Variants in CORIN observed in about 807,000 individuals in gnomAD.
The protein encoded by CORIN is atrial natriuretic peptide-converting enzyme.
In CORIN, 117 loss-of-function variants were observed where a neutral mutation model predicts 125.3. The ratio of observed to expected loss-of-function variants is 0.93; its 90% confidence interval spans 0.80 to 1.09. The LOEUF (loss-of-function observed/expected upper bound fraction) is 1.09. Ranked by LOEUF, CORIN falls within the 50% of genes least tolerant of loss-of-function variation. The pLI, the probability that CORIN is intolerant of heterozygous loss-of-function variation, is 0.00. For synonymous variants in CORIN, 450 were observed against 466.4 expected, an observed-to-expected ratio of 0.96 and a Z score of 0.45; for missense variants, 1,253 against 1,306.7, an observed-to-expected ratio of 0.96 and a Z score of 0.63.
chr4:47,638,398 T>C (rs887961501), intron 16 of CORIN, among the ~76,000 whole-genome samples: 1 of 152,202 alleles, frequency 6.6e-6, no homozygotes, highest in African/African-American at 2.4e-5. Flanking sequence ...GGCAGAATGA[T>C]ATGGTTTGGC....
intron 16 of CORIN, among the ~76,000 whole-genome samples, chr4:47,632,725 T>TGATA (rs1553905875): frequency 0.32 from 40,241 of 126,494 alleles, 5,549 homozygotes; most frequent in South Asian, 0.38. Flanking sequence ...TGACAATAGA[T>TGATA]GATAGATAGA....
At chr4:47,787,404 T>C (rs1282166206) in intron 2 of CORIN, among the ~76,000 whole-genome samples, 1 of 152,030 alleles carries the variant, frequency 6.6e-6, no homozygotes, top group Non-Finnish European at 1.5e-5. Flanking sequence ...GTGCTTGCCA[T>C]CAGCTTTATA....
At chr4:47,770,895 T>C (rs1270213181) in intron 3 of CORIN, among the ~76,000 whole-genome samples, 2 of 152,042 alleles carry the variant, frequency 1.3e-5, no homozygotes, top group Admixed American at 6.6e-5. Flanking sequence ...AGGATTGCAA[T>C]ATGTTGGTCA....
At chr4:47,692,822 A>G in intron 6 of CORIN, 148 bp downstream of exon 6, 1 of 652,586 alleles carries the variant, frequency 1.5e-6, no homozygotes, top group Non-Finnish European at 2.7e-6. Context: ...AAAGGTGTGC[A>G]AACATGCTGC....
At chr4:47,743,887 G>GAA (rs535450519) in intron 5 of CORIN, among the ~76,000 whole-genome samples, 2 of 117,314 alleles carry the variant, frequency 1.7e-5, no homozygotes, top group Non-Finnish European at 3.7e-5. Context: ...TCTGTCTCCA[G>GAA]AAAAAAAAAA....
chr4:47,748,389 G>A (rs1728758422), intron 4 of CORIN, among the ~76,000 whole-genome samples: 1 of 152,180 alleles, frequency 6.6e-6, no homozygotes, highest in Non-Finnish European at 1.5e-5. Context: ...TTTAGAAAGG[G>A]TGATTATTTT....
intron 13 of CORIN, among the ~76,000 whole-genome samples, chr4:47,650,815 A>T (rs984758724): frequency 2.6e-5 from 4 of 152,210 alleles, no homozygotes; most frequent in African/African-American, 9.6e-5. Flanking sequence ...GTACTGACAC[A>T]GTGCAGATTC....
intron 10 of CORIN, among the ~76,000 whole-genome samples, chr4:47,673,781 C>T (rs893198433): frequency 5.3e-5 from 8 of 152,010 alleles, no homozygotes; most frequent in South Asian, 2.1e-4. Context: ...TTAAAAGAAC[C>T]GACTGCCTAT....
rs963172502 is a variant in CORIN at position 47,594,678 on chromosome 4, A to G, written c.*1043T>C. 3 of 152,162 alleles carry G rather than the reference A, an allele frequency of 2.0e-5. No individual in the cohort carries two copies. The highest frequency in any genetic ancestry group is 7.2e-5 in the African/African-American group (3 of 41,454). The allele number at this position is 152,162 out of a possible 1,614,324, so 9.4% of individuals were successfully genotyped here. ...GGTATGGATGAACGCAAGAAAACTG[A>G]AAAATAAATTTAATTAAACGAGGGA... On this transcript the variant is annotated 3_prime_UTR_variant, in exon 22 of 22. Transcript: ENST00000273857.
chr4:47,721,377 C>T (rs1727343011), intron 5 of CORIN, among the ~76,000 whole-genome samples: 1 of 151,896 alleles, frequency 6.6e-6, no homozygotes, highest in Admixed American at 6.6e-5. Context: ...TCAAGTGATT[C>T]TCCTGCCTCA....
intron 19 of CORIN, 137 bp from the exon 20 acceptor site, chr4:47,603,805 G>T: frequency 1.1e-6 from 1 of 950,310 alleles, no homozygotes; most frequent in Non-Finnish European, 1.5e-6. Flanking sequence ...TCATATAAGT[G>T]GCATTTATAT....
intron 6 of CORIN, among the ~76,000 whole-genome samples, chr4:47,691,273 T>C (rs186726947): frequency 1.3e-5 from 2 of 152,336 alleles, no homozygotes; most frequent in East Asian, 1.9e-4. Flanking sequence ...GGAGAATAGC[T>C]AGAGATTCTA....
chr4:47,626,934 TA>T (rs1722593885), intron 16 of CORIN, among the ~76,000 whole-genome samples: 1 of 152,102 alleles, frequency 6.6e-6, no homozygotes, highest in African/African-American at 2.4e-5. Context: ...TTAGACAGCA[TA>T]AAAGTTGTAA....
At chr4:47,643,925 G>A (rs999634322) in intron 14 of CORIN, among the ~76,000 whole-genome samples, 4 of 152,150 alleles carry the variant, frequency 2.6e-5, no homozygotes, top group African/African-American at 9.7e-5. Flanking sequence ...AGTAGTCCAG[G>A]AGTAAACATG....
intron 9 of CORIN, among the ~76,000 whole-genome samples, chr4:47,677,384 A>T (rs199666849): frequency 1.3e-5 from 2 of 152,318 alleles, no homozygotes; most frequent in East Asian, 3.9e-4. Context: ...CCTGGACCCT[A>T]CTGAGAGGCT....
chr4:47,680,203 G>A lies in CORIN; in HGVS notation c.1070C>T (p.Ala357Val). Residue 357 changes from alanine (A) to valine (V), a missense_variant, in exon 8 of 22, where the codon GCC becomes GTC. Physicochemically the swap from Ala to Val is moderately conservative, Grantham distance 64 (BLOSUM62 0). Coordinates refer to ENST00000273857, the MANE Select transcript of CORIN (RefSeq NM_006587.4). ...GTCACCATCACACACCCACTCCATG[G>A]CGATGCAGCGCCCGTCCCCGCAGCG... ...EHRCGDGRCI[A>V]MEWVCDGDHD... 3 of 1,614,020 alleles carry A rather than the reference G, an allele frequency of 1.9e-6. No homozygotes were observed. The highest frequency in any genetic ancestry group is 2.5e-6 in the Non-Finnish European group (3 of 1,179,928).
intron 2 of CORIN, among the ~76,000 whole-genome samples, chr4:47,806,503 A>G (rs1206735068): frequency 6.6e-6 from 1 of 152,244 alleles, no homozygotes; most frequent in Non-Finnish European, 1.5e-5. Context: ...TTAACTCTCC[A>G]TGATGCTTTC....
At chr4:47,700,813 C>T (rs1726253917) in intron 5 of CORIN, among the ~76,000 whole-genome samples, 1 of 152,182 alleles carries the variant, frequency 6.6e-6, no homozygotes, top group South Asian at 2.1e-4. Context: ...CCCCTGCTTC[C>T]TCCTCCACCC....
intron 3 of CORIN, among the ~76,000 whole-genome samples, chr4:47,766,817 G>A (rs2109877810): frequency 1.3e-5 from 2 of 151,510 alleles, no homozygotes; most frequent in Admixed American, 1.3e-4. Context: ...GTGATGGTGG[G>A]CGCCTGTAAT....
Sources: allele counts gnomAD v4.1 joint callset (sites outside exome capture counted in the v4.1 genomes callset), GRCh38; gene constraint gnomAD v4.1.1; transcripts MANE v1.5; gene names NCBI Gene and HGNC (gene_info 2026-07-23, HGNC 2026-07-21).